The following KLF8 variants were observed in gnomAD, a reference collection of about 807,000 sequenced individuals.
The protein encoded by KLF8 is Krueppel-like factor 8.
Under a neutral mutation model 18.2 loss-of-function variants are expected in KLF8, and 10 were observed. The ratio of observed to expected loss-of-function variants is 0.55; its 90% CI spans 0.34 to 0.93. KLF8 has a LOEUF of 0.93. Ranked by LOEUF, KLF8 falls within the 40% of genes least tolerant of loss-of-function variation. The probability of loss-of-function intolerance (pLI) is 0.02; values close to 1 mark genes in which losing one functional copy is unlikely to be tolerated. For synonymous variants in KLF8, 109 were observed against 97.3 expected, an observed-to-expected ratio of 1.12 and a Z score of -0.71; for missense variants, 264 against 277.9, an observed-to-expected ratio of 0.95 and a Z score of 0.36.
chrX:56,187,777 T>C, the KLF8 span, among the ~76,000 whole-genome samples: 1 of 110,856 alleles, frequency 9.0e-6, no homozygotes. Flanking sequence ...AAAAACCACA[T>C]GATTATCTCA....
At chrX:56,183,843 A>T in the KLF8 span, among the ~76,000 whole-genome samples, 1 of 111,519 alleles carries the variant, frequency 9.0e-6, no homozygotes, top group African/African-American at 3.3e-5. Context: ...TCTAATCAAA[A>T]CACAGAAAAC....
the KLF8 span, among the ~76,000 whole-genome samples, chrX:56,139,407 C>T: frequency 9.8e-5 from 11 of 111,789 alleles, no homozygotes; most frequent in Non-Finnish European, 1.9e-4. Context: ...AAGTATATTA[C>T]AAGATGACAC....
At chrX:56,174,540 T>C in the KLF8 span, among the ~76,000 whole-genome samples, 1 of 112,013 alleles carries the variant, frequency 8.9e-6, no homozygotes, top group Admixed American at 9.5e-5. Flanking sequence ...TCATCAAGGA[T>C]ATTCGTCTAA....
At chrX:56,082,965 G>A in the KLF8 span, among the ~76,000 whole-genome samples, 1 of 112,075 alleles carries the variant, frequency 8.9e-6, no homozygotes, top group South Asian at 3.7e-4. Flanking sequence ...TCAAGACTCT[G>A]TCTTTGACTT....
the KLF8 span, among the ~76,000 whole-genome samples, chrX:56,186,748 A>G: frequency 8.9e-6 from 1 of 112,256 alleles, no homozygotes; most frequent in Non-Finnish European, 1.9e-5. Flanking sequence ...AACTACATGG[A>G]AACTGAACAA....
At chrX:56,091,146 C>T in the KLF8 span, among the ~76,000 whole-genome samples, 59 of 111,110 alleles carry the variant, frequency 5.3e-4, no homozygotes, top group African/African-American at 1.9e-3. Context: ...CCCCACATGT[C>T]GAGGGTGGGA....
the KLF8 span, among the ~76,000 whole-genome samples, chrX:55,967,096 AAAG>A: frequency 8.9e-6 from 1 of 111,817 alleles, no homozygotes; most frequent in East Asian, 2.8e-4. Context: ...GAATAAAAAT[AAAG>A]AAGAACACCT....
the KLF8 span, among the ~76,000 whole-genome samples, chrX:56,096,017 A>G: frequency 1.8e-5 from 2 of 111,854 alleles, no homozygotes; most frequent in Non-Finnish European, 3.8e-5. Flanking sequence ...TCATAGCACT[A>G]TTTACAATAG....
At chrX:56,151,162 G>A in the KLF8 span, among the ~76,000 whole-genome samples, 1 of 111,820 alleles carries the variant, frequency 8.9e-6, no homozygotes, top group African/African-American at 3.2e-5. Context: ...ACAGAGGTAG[G>A]ACCAAACAGT....
the KLF8 span, among the ~76,000 whole-genome samples, chrX:56,022,159 G>C: frequency 9.0e-6 from 1 of 110,778 alleles, no homozygotes; most frequent in Non-Finnish European, 1.9e-5. Context: ...AAAAACCAAT[G>C]AGAACACTGG....
the KLF8 span, among the ~76,000 whole-genome samples, chrX:56,061,733 G>C: frequency 1.8e-5 from 2 of 110,783 alleles, no homozygotes; most frequent in Non-Finnish European, 3.8e-5. Context: ...TTTCTGTCTT[G>C]TTTACCTGTC....
the KLF8 span, chrX:55,961,074 T>TA: frequency 7.7e-4 from 109 of 141,288 alleles, no homozygotes; most frequent in Admixed American, 3.6e-3. Context: ...AACCAACGAT[T>TA]AAAAAAAAAG....
chrX:55,931,669 A>C, the KLF8 span, among the ~76,000 whole-genome samples: 1 of 111,978 alleles, frequency 8.9e-6, no homozygotes, highest in African/African-American at 3.2e-5. Context: ...GTTTCCATGT[A>C]GTTGTGCAGT....
the KLF8 span, among the ~76,000 whole-genome samples, chrX:55,921,114 C>G: frequency 1.8e-5 from 2 of 112,128 alleles, no homozygotes; most frequent in Non-Finnish European, 3.8e-5. Context: ...GGAGAAAATA[C>G]TTTCAAACTA....
chrX:56,285,409 C>T lies in KLF8; in HGVS notation c.*915C>T, dbSNP rs2067257527. 1 of 111,605 alleles carries T rather than the reference C, an allele frequency of 9.0e-6. No individual in the cohort carries two copies. The highest frequency in any genetic ancestry group is 9.5e-5 in the Admixed American group (1 of 10,512). The allele number at this position is 111,605 out of a possible 1,213,427, so 9.2% of individuals were successfully genotyped here. On this transcript the variant is annotated 3_prime_UTR_variant, in exon 6 of 6. Transcript: ENST00000468660. ...ATAGGATATCAAAAGTGCTGTTAAT[C>T]ACAAACCTCATTCAAATGGCAGGCT...
the KLF8 span, among the ~76,000 whole-genome samples, chrX:56,179,545 A>C: frequency 8.9e-6 from 1 of 111,949 alleles, no homozygotes; most frequent in African/African-American, 3.2e-5. Context: ...GGAGTGGTGA[A>C]AGAGGGCATC....
chrX:56,070,196 A>G, the KLF8 span, among the ~76,000 whole-genome samples: 1 of 110,971 alleles, frequency 9.0e-6, no homozygotes, highest in Non-Finnish European at 1.9e-5. Context: ...GTGGGAGTTG[A>G]AAAAGAACAC....
At chrX:56,280,034 A>G (rs1357253090) in intron 5 of KLF8, among the ~76,000 whole-genome samples, 5 of 111,689 alleles carry the variant, frequency 4.5e-5, no homozygotes, top group Non-Finnish European at 9.4e-5. Flanking sequence ...GCAGAGAGCC[A>G]TAAGACTCTT....
the KLF8 span, among the ~76,000 whole-genome samples, chrX:56,095,132 C>A: frequency 9.0e-6 from 1 of 111,653 alleles, no homozygotes; most frequent in African/African-American, 3.2e-5. Flanking sequence ...ACATGTAAAT[C>A]CATGGAACAG....
Sources: allele counts gnomAD v4.1 joint callset (sites outside exome capture counted in the v4.1 genomes callset), GRCh38; gene constraint gnomAD v4.1.1; transcripts MANE v1.5; gene names NCBI Gene and HGNC (gene_info 2026-07-23, HGNC 2026-07-21).